The following DIXDC1 variants were observed in gnomAD, a reference collection of about 807,000 sequenced individuals.
DIXDC1 encodes the protein DIX domain containing 1.
A neutral mutation model predicts 103.1 loss-of-function variants in DIXDC1; 64 were observed. The observed-to-expected ratio is 0.62, with a 90% CI of 0.51 to 0.76. The LOEUF is 0.76. DIXDC1 is among the 30% of genes least tolerant of loss of function. The pLI is 0.00. For missense variants in DIXDC1, 759 were observed against 834.2 expected (o/e 0.91, Z 1.11); for synonymous variants, 266 against 298.5 (o/e 0.89, Z 1.12).
chr11:111,975,589 G>A, intron 5 of DIXDC1: 1 of 985,680 alleles, frequency 1.0e-6, no homozygotes, highest in Non-Finnish European at 1.2e-6. Flanking sequence ...ATCAGTGGCA[G>A]AAAAAAGATT....
At chr11:111,938,778 A>C (rs1182560721) in intron 1 of DIXDC1, among the ~76,000 whole-genome samples, 1 of 152,242 alleles carries the variant, frequency 6.6e-6, no homozygotes, top group Non-Finnish European at 1.5e-5. Flanking sequence ...ACACAGAGGA[A>C]AACTGCAGAA....
intron 1 of DIXDC1, among the ~76,000 whole-genome samples, chr11:111,945,302 G>C (rs73560065): frequency 0.043 from 6,578 of 152,266 alleles, 505 homozygotes; most frequent in African/African-American, 0.15. Context: ...GAGGGAGGAG[G>C]AGGAAGACTG....
chr11:111,986,313 C>A (rs1300051151), intron 8 of DIXDC1, among the ~76,000 whole-genome samples: 2 of 151,832 alleles, frequency 1.3e-5, no homozygotes, highest in Non-Finnish European at 2.9e-5. Flanking sequence ...GCCATTTCTT[C>A]TTCCCTTTAC....
chr11:111,969,618 A>G (rs887068609), intron 3 of DIXDC1, among the ~76,000 whole-genome samples: 1 of 152,166 alleles, frequency 6.6e-6, no homozygotes, highest in Non-Finnish European at 1.5e-5. Context: ...TAGGCTCCCT[A>G]GTTCTCTTGC....
rs1185472435 is a variant in DIXDC1 at position 111,998,724 on chromosome 11, G to T, written c.1756+2578G>T. ...AATTTTTTGTATTTTAGTAGAGACA[G>T]GGTTTCACTGTGTTGCCCAGGCTGG... is the stretch of plus-strand genomic sequence containing the variant. On this transcript the variant is annotated intron_variant, in intron 17 of 19. Coordinates refer to ENST00000440460, the MANE Select transcript of DIXDC1 (RefSeq NM_001037954.4). The surrounding 1 kb of genome is among the most constrained non-coding windows in gnomAD (Gnocchi z 4.1). Among the ~76,000 whole-genome samples, 3 of 152,160 alleles carry T rather than the reference G, an allele frequency of 2.0e-5. No individual in the cohort carries two copies. The highest frequency in any genetic ancestry group is 4.4e-5 in the Non-Finnish European group (3 of 68,040).
chr11:111,966,397 ATTTTTT>A (rs1221666046), intron 2 of DIXDC1, among the ~76,000 whole-genome samples: 20 of 58,644 alleles, frequency 3.4e-4, no homozygotes, highest in African/African-American at 8.9e-4. Context: ...TAATTTTTGT[ATTTTTT>A]TTTTTTTTTT....
chr11:111,989,383 G>A (rs1860614767), intron 10 of DIXDC1, among the ~76,000 whole-genome samples: 1 of 152,108 alleles, frequency 6.6e-6, no homozygotes, highest in South Asian at 2.1e-4. Context: ...CCAGCACTTT[G>A]GGAGGCCGAG....
At chr11:111,992,635 C>T in intron 11 of DIXDC1, 116 bp downstream of exon 11, 1 of 892,042 alleles carries the variant, frequency 1.1e-6, no homozygotes, top group Non-Finnish European at 1.7e-6. Context: ...GGGATGCCTG[C>T]CTTAAGTGTC....
Position 111,977,413 on chromosome 11 carries a change from C to T in DIXDC1, c.656+2430C>T, listed in dbSNP as rs1016459997. ...GGGAGATGGGTTGAGATGCCCCCGCCAGGGGGGATGCCCGGCACCGTGCGT... is the reference window on the plus strand; with the variant it reads ...GGGAGATGGGTTGAGATGCCCCCGCTAGGGGGGATGCCCGGCACCGTGCGT... On this transcript the variant is annotated intron_variant, in intron 5 of 19. Coordinates refer to ENST00000440460, the MANE Select transcript of DIXDC1 (RefSeq NM_001037954.4). The surrounding 1 kb of genome is among the most constrained non-coding windows in gnomAD (Gnocchi z 6.1). The T allele has an allele frequency of 1.2e-5, 14 of 1,162,886 alleles. No individual in the cohort carries two copies. In the African/African-American group the frequency reaches 1.7e-4, roughly 14 times the overall value. 72.0% of individuals were successfully genotyped at this position (1,162,886 alleles called of 1,614,324 possible).
At position 112,020,655 on chromosome 11, in the gene DIXDC1, A is replaced by C. The variant is rs1041408457; in HGVS notation, c.*1619A>C. 1 of 152,162 alleles carries C rather than the reference A, an allele frequency of 6.6e-6. No homozygotes were observed. Among genetic ancestry groups the C allele is most frequent in the African/African-American group, 2.4e-5 (1 of 41,438 alleles). The allele number at this position is 152,162 out of a possible 1,614,324, so 9.4% of individuals were successfully genotyped here. On this transcript the variant is annotated 3_prime_UTR_variant, in exon 20 of 20. Coordinates refer to ENST00000440460, the MANE Select transcript of DIXDC1 (RefSeq NM_001037954.4). ...GTGGTTTCAGAACAAGCTTTATTTT[A>C]TTACGAGTATATTAATGACAACTAA... is the stretch of plus-strand genomic sequence containing the variant.
At chr11:111,999,671 C>G (rs1555175787) in intron 17 of DIXDC1, among the ~76,000 whole-genome samples, 1 of 151,984 alleles carries the variant, frequency 6.6e-6, no homozygotes, top group African/African-American at 2.4e-5. Context: ...TTGAGACCAG[C>G]CTGGCCAACA....
At chr11:111,992,312 C>A in intron 10 of DIXDC1, 103 bp from the exon 11 acceptor site, 1 of 1,042,706 alleles carries the variant, frequency 9.6e-7, no homozygotes, top group Non-Finnish European at 1.4e-6. Context: ...TCCAGTCTGC[C>A]ATAACGAATG....
At chr11:111,974,349 C>G in intron 4 of DIXDC1, 95 bp downstream of exon 4, 2 of 1,235,118 alleles carry the variant, frequency 1.6e-6, no homozygotes, top group South Asian at 1.5e-5. Flanking sequence ...GTCACCCAAA[C>G]AGCCCCAGAT....
intron 3 of DIXDC1, among the ~76,000 whole-genome samples, chr11:111,972,648 C>T (rs182251270): frequency 1.3e-5 from 2 of 152,330 alleles, no homozygotes; most frequent in East Asian, 1.9e-4. Flanking sequence ...CTGTCTCCCC[C>T]TGCATTCTGG....
Position 111,958,954 on chromosome 11 carries a change from T to C in DIXDC1, c.61-5595T>C, listed in dbSNP as rs782610719. Among the ~76,000 whole-genome samples, 8 of 152,054 alleles carry C rather than the reference T, an allele frequency of 5.3e-5. No homozygotes were observed. Among genetic ancestry groups the C allele is most frequent in the Non-Finnish European group, 1.0e-4 (7 of 67,996 alleles). Reference sequence around the variant, plus strand: ...CCAGCCAAGGAGAAGAGCTACCCACTCCAGGGTCTTCACTCTGCTGAGAGC... The same window carrying C: ...CCAGCCAAGGAGAAGAGCTACCCACCCCAGGGTCTTCACTCTGCTGAGAGC... On this transcript the variant is annotated intron_variant, in intron 1 of 19. Transcript: ENST00000440460. This position sits in a 1 kb window ranked among gnomAD's most constrained non-coding sequence, Gnocchi z 4.2.
At chr11:111,932,540 C>T (rs1170995832), upstream of DIXDC1, among the ~76,000 whole-genome samples, 3 of 150,022 alleles carry the variant, frequency 2.0e-5, no homozygotes, top group African/African-American at 7.4e-5. Context: ...GAGCCGAGAT[C>T]GCTCCACTGC....
chr11:111,964,660 T>C lies in DIXDC1; in HGVS notation c.172T>C (p.Tyr58His), dbSNP rs1566495578. 2 of 1,609,402 alleles carry C rather than the reference T, an allele frequency of 1.2e-6. No homozygotes were observed. ...TCTCCGGGATGGGGTGATCCTGGCA[T>C]ATCTCATCGAGATTGTTGGTCAGTT... ...QDLRDGVILA[Y>H]LIEIVAGEKL... The change falls in exon 2 of 20, where the codon TAT (tyrosine) becomes CAT (histidine). Residue 58 changes from tyrosine (Y) to histidine (H), a missense_variant. Coordinates refer to ENST00000440460, the MANE Select transcript of DIXDC1 (RefSeq NM_001037954.4).
chr11:111,959,195 C>T (rs782328854), intron 1 of DIXDC1, among the ~76,000 whole-genome samples: 3 of 152,216 alleles, frequency 2.0e-5, no homozygotes, highest in Non-Finnish European at 4.4e-5. Context: ...GCCCCTTGCT[C>T]ACCATGTTGC....
chr11:111,997,026 T>C (rs928340501), intron 17 of DIXDC1, among the ~76,000 whole-genome samples: 6 of 152,248 alleles, frequency 3.9e-5, no homozygotes, highest in Non-Finnish European at 5.9e-5. Context: ...ATTTCTATTT[T>C]AGTTTGTATT....
Sources: allele counts gnomAD v4.1 joint callset (sites outside exome capture counted in the v4.1 genomes callset), GRCh38; gene constraint gnomAD v4.1.1; non-coding constraint Gnocchi (gnomAD v3.1); transcripts MANE v1.5; gene names NCBI Gene and HGNC (gene_info 2026-07-23, HGNC 2026-07-21).